Variants in ATP11B observed in about 807,000 individuals in gnomAD.
ATP11B encodes the protein phospholipid-transporting ATPase IF.
A neutral mutation model predicts 157.8 loss-of-function variants in ATP11B; 81 were observed. The observed-to-expected ratio is 0.51, with a 90% CI of 0.43 to 0.62. ATP11B has a LOEUF of 0.62. Among genes scored for constraint, ATP11B ranks in the 20% least tolerant of loss-of-function variants. The pLI is 0.00. For synonymous variants in ATP11B, 451 were observed against 469.4 expected (o/e 0.96, Z 0.51); for missense variants, 1,165 against 1,402.2 (o/e 0.83, Z 2.70).
intron 28 of ATP11B, among the ~76,000 whole-genome samples, chr3:182,910,071 CAGA>C (rs1295052620): frequency 0.015 from 1,116 of 72,206 alleles, 21 homozygotes; most frequent in African/African-American, 0.058. Context: ...ACTCGGCCTC[CAGA>C]AAAAAAAAAA....
At chr3:182,866,172 G>A in intron 13 of ATP11B, 96 bp from the exon 14 acceptor site, 1 of 892,892 alleles carries the variant, frequency 1.1e-6, no homozygotes, top group South Asian at 2.5e-5. Flanking sequence ...CAAGGTTGTA[G>A]CACTCTTGTT....
At chr3:182,828,392 C>T (rs1391316081) in intron 3 of ATP11B, among the ~76,000 whole-genome samples, 183 bp downstream of exon 3, 1 of 151,926 alleles carries the variant, frequency 6.6e-6, no homozygotes, top group Non-Finnish European at 1.5e-5. Context: ...AAGAAATAGC[C>T]TGTAAACTTT....
intron 1 of ATP11B, among the ~76,000 whole-genome samples, chr3:182,795,437 A>G (rs1306734662): frequency 1.3e-5 from 2 of 152,236 alleles, no homozygotes; most frequent in Admixed American, 6.5e-5. Flanking sequence ...TTGTATAACC[A>G]TGCTCATCTT....
chr3:182,844,457 C>A, intron 8 of ATP11B: 1 of 624,094 alleles, frequency 1.6e-6, no homozygotes, highest in Non-Finnish European at 2.0e-6. Flanking sequence ...TGCTTTTTAA[C>A]TTTTCCATAG....
At chr3:182,893,610 G>T (rs1723323091) in intron 25 of ATP11B, among the ~76,000 whole-genome samples, 1 of 152,088 alleles carries the variant, frequency 6.6e-6, no homozygotes, top group African/African-American at 2.4e-5. Flanking sequence ...CATTTGGGCT[G>T]GTTCCCTATT....
chr3:182,832,594 C>T (rs1680667668), intron 4 of ATP11B, among the ~76,000 whole-genome samples: 1 of 152,102 alleles, frequency 6.6e-6, no homozygotes, highest in African/African-American at 2.4e-5. Flanking sequence ...CTGCCTTTTC[C>T]CTTTGTACTT....
intron 29 of ATP11B, chr3:182,917,319 C>T (rs1322114312): frequency 1.0e-6 from 1 of 985,190 alleles, no homozygotes; most frequent in Non-Finnish European, 1.2e-6. Flanking sequence ...TTAAGCATGG[C>T]AGGCTACTTT....
chr3:182,908,985 A>G (rs1427546901), intron 28 of ATP11B, among the ~76,000 whole-genome samples: 1 of 152,262 alleles, frequency 6.6e-6, no homozygotes, highest in Non-Finnish European at 1.5e-5. Context: ...TTTAAGGGCA[A>G]AAGACCTAGC....
At chr3:182,856,732 A>C (rs879479888) in intron 10 of ATP11B, among the ~76,000 whole-genome samples, 1 of 152,180 alleles carries the variant, frequency 6.6e-6, no homozygotes, top group South Asian at 2.1e-4. Flanking sequence ...GAATATATAG[A>C]GTTTACATTG....
chr3:182,902,571 A>G, intron 28 of ATP11B: 1 of 1,287,472 alleles, frequency 7.8e-7, no homozygotes, highest in Non-Finnish European at 1.0e-6. Flanking sequence ...ACTTAGGTAG[A>G]GTAGGAGGAG....
At chr3:182,872,648 A>G (rs905567891) in intron 18 of ATP11B, 111 bp downstream of exon 18, 3 of 994,398 alleles carry the variant, frequency 3.0e-6, no homozygotes, top group African/African-American at 3.3e-5. Context: ...TGATATATTT[A>G]AGATCAAAGT....
At chr3:182,827,515 T>C (rs1003138892) in intron 2 of ATP11B, among the ~76,000 whole-genome samples, 1 of 152,032 alleles carries the variant, frequency 6.6e-6, no homozygotes, top group African/African-American at 2.4e-5. Flanking sequence ...GCATCTATGC[T>C]TTTAACCATT....
At chr3:182,796,768 A>T (rs1715635521) in intron 1 of ATP11B, among the ~76,000 whole-genome samples, 1 of 152,230 alleles carries the variant, frequency 6.6e-6, no homozygotes, top group African/African-American at 2.4e-5. Flanking sequence ...ATAGATGAGG[A>T]AAGAAAGAAT....
In ATP11B at chr3:182,872,459, G is replaced by A. The variant is rs1721734085; in HGVS notation, c.1970G>A (p.Arg657Gln). The change falls in exon 18 of 30, where the codon CGG (arginine) becomes CAG (glutamine). Residue 657 changes from arginine to glutamine, a missense_variant. By Grantham distance (43) the Arg-to-Gln change is conservative. Transcript: ENST00000323116. ...IFEARTALQQREEKLAAVFQF... is the reference protein window; with the variant it reads ...IFEARTALQQQEEKLAAVFQF... ...GAAGCCAGGACTGCCTTGCAGCAGC[G>A]GGAAGAGAAATTGGCAGCTGTTTTC... The A allele has an allele frequency of 8.7e-6, 14 of 1,613,978 alleles. No homozygotes were observed. Among genetic ancestry groups the A allele is most frequent in the Middle Eastern group, 3.3e-4 (2 of 6,084 alleles).
chr3:182,876,333 T>C (rs1405247813), intron 19 of ATP11B, among the ~76,000 whole-genome samples: 1 of 152,260 alleles, frequency 6.6e-6, no homozygotes, highest in African/African-American at 2.4e-5. Flanking sequence ...TTATTATTTG[T>C]AATTTAGGCT....
intron 8 of ATP11B, among the ~76,000 whole-genome samples, chr3:182,842,539 C>T (rs953968552): frequency 6.6e-6 from 1 of 152,062 alleles, no homozygotes; most frequent in Admixed American, 6.5e-5. Flanking sequence ...TTTATGGAAG[C>T]TTCATGACAT....
chr3:182,917,020 C>G (rs1439324360), intron 29 of ATP11B: 10 of 985,154 alleles, frequency 1.0e-5, no homozygotes, highest in Admixed American at 6.2e-5. Context: ...TGAACAAGTC[C>G]TTCCCTAACC....
At chr3:182,813,738 A>AT (rs1057106999) in intron 1 of ATP11B, among the ~76,000 whole-genome samples, 69 of 151,842 alleles carry the variant, frequency 4.5e-4, no homozygotes, top group Admixed American at 4.1e-3. Context: ...TTTATTTTTT[A>AT]TTTTTTTGAG....
At chr3:182,853,767 C>T (rs1720164642) in intron 10 of ATP11B, among the ~76,000 whole-genome samples, 1 of 151,392 alleles carries the variant, frequency 6.6e-6, no homozygotes, top group South Asian at 2.1e-4. Flanking sequence ...TCACAGCAAT[C>T]TTTTTGTAGT....
Sources: allele counts gnomAD v4.1 joint callset (sites outside exome capture counted in the v4.1 genomes callset), GRCh38; gene constraint gnomAD v4.1.1; transcripts MANE v1.5; gene names NCBI Gene and HGNC (gene_info 2026-07-23, HGNC 2026-07-21).